The following VEPH1 variants were observed in gnomAD, a reference collection of about 807,000 sequenced individuals.
VEPH1 encodes the protein ventricular zone expressed PH domain containing 1, also known as ventricular zone-expressed PH domain-containing protein homolog 1.
Under a neutral mutation model 85.2 loss-of-function variants are expected in VEPH1, and 80 were observed. That is an observed-to-expected ratio of 0.94 (90% CI 0.78 to 1.13). The LOEUF is 1.13. Ranked by LOEUF, VEPH1 falls within the 50% of genes most tolerant of loss-of-function variation. The probability of loss-of-function intolerance (pLI) is 0.00; values close to 1 mark genes in which losing one functional copy is unlikely to be tolerated. For missense variants in VEPH1, 955 were observed against 980.5 expected (o/e 0.97, Z 0.35); for synonymous variants, 297 against 348.0 (o/e 0.85, Z 1.63).
At chr3:157,293,581 C>CA (rs1233161802) in intron 11 of VEPH1, among the ~76,000 whole-genome samples, 2 of 151,446 alleles carry the variant, frequency 1.3e-5, no homozygotes, top group African/African-American at 4.9e-5. Context: ...ACAAATATGA[C>CA]AAAATAAAAA....
chr3:157,474,639 A>G (rs1298686297), intron 2 of VEPH1, among the ~76,000 whole-genome samples: 8 of 152,176 alleles, frequency 5.3e-5, no homozygotes, highest in Non-Finnish European at 1.0e-4. Flanking sequence ...TCAACAATTT[A>G]AGCATGGTGG....
chr3:157,472,406 A>G (rs1469366130), intron 2 of VEPH1, among the ~76,000 whole-genome samples: 1 of 152,170 alleles, frequency 6.6e-6, no homozygotes, highest in Admixed American at 6.5e-5. Flanking sequence ...ATTTCCTAGT[A>G]ATTGTTTTAA....
intron 5 of VEPH1, among the ~76,000 whole-genome samples, chr3:157,423,896 T>A (rs918448599): frequency 6.6e-6 from 1 of 152,152 alleles, no homozygotes; most frequent in Admixed American, 6.5e-5. Flanking sequence ...AATGTTCCAG[T>A]CTTCACTTAA....
intron 6 of VEPH1, among the ~76,000 whole-genome samples, chr3:157,388,600 A>G (rs895323601): frequency 2.0e-5 from 3 of 152,180 alleles, no homozygotes; most frequent in Non-Finnish European, 4.4e-5. Flanking sequence ...GAATATGATG[A>G]TATATCACTC....
chr3:157,318,535 A>C (rs1172880337), intron 9 of VEPH1, among the ~76,000 whole-genome samples: 1 of 152,064 alleles, frequency 6.6e-6, no homozygotes. Context: ...TGAGCCCAGG[A>C]GGTGGAGTCT....
chr3:157,459,482 C>A, intron 4 of VEPH1: 1 of 490,900 alleles, frequency 2.0e-6, no homozygotes, highest in Non-Finnish European at 2.7e-6. Flanking sequence ...TCATGGGCCT[C>A]ATGCATCTTT....
chr3:157,344,749 G>T (rs1485664551), intron 9 of VEPH1, among the ~76,000 whole-genome samples: 1 of 152,120 alleles, frequency 6.6e-6, no homozygotes. Flanking sequence ...CAAAGCTGGA[G>T]GCATCACGCT....
At chr3:157,475,650 A>G (rs1037514085) in intron 2 of VEPH1, among the ~76,000 whole-genome samples, 1 of 152,218 alleles carries the variant, frequency 6.6e-6, no homozygotes, top group Admixed American at 6.5e-5. Context: ...ACTTATGGCC[A>G]CATGAGGGGT....
Position 157,470,501 on chromosome 3 carries a change from G to A in VEPH1, c.167C>T (p.Ala56Val), listed in dbSNP as rs754309822. The change falls in exon 3 of 14, where the codon GCA (alanine) becomes GTA (valine). Residue 56 changes from alanine to valine, a missense_variant. Transcript: ENST00000362010. ...TCTTGTGATACAGATTTCAACTACT[G>A]CCTGGTCATTGTTATTGGTTTGGTA... ...SDYQTNNNDQ[A>V]VVEICITRIT... The A allele has an allele frequency of 6.2e-7, 1 of 1,614,000 alleles. No homozygotes were observed. Among genetic ancestry groups the A allele is most frequent in the Non-Finnish European group, 8.5e-7 (1 of 1,180,026 alleles).
chr3:157,420,331 A>G (rs1295129072), intron 5 of VEPH1, among the ~76,000 whole-genome samples: 1 of 151,704 alleles, frequency 6.6e-6, no homozygotes, highest in Non-Finnish European at 1.5e-5. Flanking sequence ...CCCAGAACTT[A>G]AAAGTTGAAG....
At chr3:157,477,070 A>T (rs1737538722) in intron 2 of VEPH1, among the ~76,000 whole-genome samples, 2 of 152,212 alleles carry the variant, frequency 1.3e-5, no homozygotes, top group African/African-American at 2.4e-5. Flanking sequence ...TCACATACCT[A>T]CTGGCTCAAG....
chr3:157,362,062 A>T (rs1167548036), intron 9 of VEPH1, among the ~76,000 whole-genome samples: 1 of 151,474 alleles, frequency 6.6e-6, no homozygotes, highest in Non-Finnish European at 1.5e-5. Flanking sequence ...ACAGAGTCCC[A>T]CTCAATTGCC....
At chr3:157,369,184 A>AAAAAAAAG (rs1560001066) in intron 7 of VEPH1, among the ~76,000 whole-genome samples, 1 of 136,796 alleles carries the variant, frequency 7.3e-6, no homozygotes, top group Non-Finnish European at 1.5e-5. Flanking sequence ...CCAAATGAAA[A>AAAAAAAAG]AAAAAAAAAA....
chr3:157,471,152 T>G (rs1057350694), intron 2 of VEPH1, among the ~76,000 whole-genome samples: 1 of 152,170 alleles, frequency 6.6e-6, no homozygotes, highest in Non-Finnish European at 1.5e-5. Context: ...GGATAATTGG[T>G]CTGACTGTGA....
At chr3:157,503,461 A>G (rs1268055576), upstream of VEPH1, 2 of 151,994 alleles carry the variant, frequency 1.3e-5, no homozygotes, top group Non-Finnish European at 2.9e-5. Context: ...TTCCCTCCCC[A>G]TTGACTCACC....
chr3:157,392,825 G>C (rs189503002), intron 6 of VEPH1, among the ~76,000 whole-genome samples: 3 of 152,232 alleles, frequency 2.0e-5, no homozygotes, highest in Non-Finnish European at 4.4e-5. Flanking sequence ...CTAACAGTTC[G>C]GCGGCAGATA....
intron 9 of VEPH1, among the ~76,000 whole-genome samples, chr3:157,348,521 T>A (rs1724498550): frequency 6.6e-6 from 1 of 152,188 alleles, no homozygotes; most frequent in East Asian, 1.9e-4. Flanking sequence ...GAACATTTTT[T>A]ATATACTTGT....
At chr3:157,264,971 A>C (rs116444670) in intron 13 of VEPH1, among the ~76,000 whole-genome samples, 2,926 of 152,318 alleles carry the variant, frequency 0.019, 96 homozygotes, top group African/African-American at 0.067. Flanking sequence ...TGAACATCCT[A>C]TTCAAATGGA....
At chr3:157,305,695 A>G (rs1449337334) in intron 11 of VEPH1, among the ~76,000 whole-genome samples, 4 of 152,232 alleles carry the variant, frequency 2.6e-5, no homozygotes, top group Admixed American at 1.3e-4. Flanking sequence ...AAATGTTGAA[A>G]TAATTTACAC....
Sources: allele counts gnomAD v4.1 joint callset (sites outside exome capture counted in the v4.1 genomes callset), GRCh38; gene constraint gnomAD v4.1.1; transcripts MANE v1.5; gene names NCBI Gene and HGNC (gene_info 2026-07-23, HGNC 2026-07-21).